ST6GALNAC5: variants seen among roughly 807,000 people sequenced by gnomAD.
The protein encoded by ST6GALNAC5 is alpha-N-acetylgalactosaminide alpha-2,6-sialyltransferase 5.
A neutral mutation model predicts 33.6 loss-of-function variants in ST6GALNAC5; 27 were observed. The ratio of observed to expected loss-of-function variants is 0.80; its 90% CI spans 0.59 to 1.11. ST6GALNAC5 has a LOEUF of 1.11. Ranked by LOEUF, ST6GALNAC5 falls within the 50% of genes least tolerant of loss-of-function variation. The pLI is 0.00. For missense variants in ST6GALNAC5, 428 were observed against 454.0 expected, an observed-to-expected ratio of 0.94 and a Z score of 0.52; for synonymous variants, 194 against 171.2, an observed-to-expected ratio of 1.13 and a Z score of -1.04.
At chr1:77,040,434 G>A (rs149290946) in intron 2 of ST6GALNAC5, among the ~76,000 whole-genome samples, 55 of 152,342 alleles carry the variant, frequency 3.6e-4, no homozygotes, top group African/African-American at 1.3e-3. Context: ...CAGAAATCAA[G>A]AGGGTGGCTT....
At chr1:77,046,954 T>G (rs1342686920) in intron 3 of ST6GALNAC5, among the ~76,000 whole-genome samples, 2 of 152,196 alleles carry the variant, frequency 1.3e-5, no homozygotes, top group East Asian at 3.8e-4. Context: ...TTAGGAACCC[T>G]TCTCACAGCA....
intron 2 of ST6GALNAC5, among the ~76,000 whole-genome samples, chr1:76,891,357 A>T (rs1411751198): frequency 2.0e-5 from 3 of 152,130 alleles, no homozygotes; most frequent in African/African-American, 7.2e-5. Flanking sequence ...ATGATGTTAA[A>T]CATGTTTTTA....
At chr1:76,926,571 C>T (rs959276632) in intron 2 of ST6GALNAC5, among the ~76,000 whole-genome samples, 8 of 152,126 alleles carry the variant, frequency 5.3e-5, no homozygotes, top group Admixed American at 3.3e-4. Flanking sequence ...CTAGAATGTA[C>T]GCAGCTAATC....
At chr1:76,928,678 C>G (rs1176675931) in intron 2 of ST6GALNAC5, among the ~76,000 whole-genome samples, 1 of 152,114 alleles carries the variant, frequency 6.6e-6, no homozygotes, top group South Asian at 2.1e-4. Context: ...CATGTCTACT[C>G]CTGCCTAGCC....
intron 2 of ST6GALNAC5, among the ~76,000 whole-genome samples, chr1:76,902,381 G>A (rs1646825570): frequency 2.0e-5 from 3 of 152,070 alleles, no homozygotes; most frequent in Non-Finnish European, 4.4e-5. Flanking sequence ...ATCTACATAA[G>A]TAGAAAAACA....
At chr1:77,036,976 G>T (rs896866966) in intron 2 of ST6GALNAC5, among the ~76,000 whole-genome samples, 1 of 152,140 alleles carries the variant, frequency 6.6e-6, no homozygotes, top group African/African-American at 2.4e-5. Context: ...CTGGGGAGGC[G>T]GTCTGAGGTA....
chr1:77,011,235 G>A (rs1650624473), intron 2 of ST6GALNAC5, among the ~76,000 whole-genome samples: 1 of 152,184 alleles, frequency 6.6e-6, no homozygotes, highest in Admixed American at 6.5e-5. Flanking sequence ...GCCTCCCCAA[G>A]CAGCATTCAG....
At chr1:77,049,009 A>G (rs763843758) in intron 3 of ST6GALNAC5, among the ~76,000 whole-genome samples, 6 of 152,172 alleles carry the variant, frequency 3.9e-5, no homozygotes, top group Non-Finnish European at 8.8e-5. Flanking sequence ...TCAAAATACA[A>G]TGGAATAGGG....
At chr1:77,042,958 CCA>C (rs919717382) in intron 2 of ST6GALNAC5, among the ~76,000 whole-genome samples, 9 of 152,126 alleles carry the variant, frequency 5.9e-5, no homozygotes, top group African/African-American at 2.2e-4. Flanking sequence ...CTTTGAGGCA[CCA>C]CAAGGCAAGG....
At chr1:76,992,056 G>A (rs867557470) in intron 2 of ST6GALNAC5, among the ~76,000 whole-genome samples, 34 of 151,832 alleles carry the variant, frequency 2.2e-4, no homozygotes, top group African/African-American at 7.0e-4. Context: ...CTCTACGTAG[G>A]GGTCAGCTTC....
At position 76,868,693 on chromosome 1, in the gene ST6GALNAC5, C is replaced by A; in HGVS notation, c.212C>A (p.Pro71His). The change falls in exon 2 of 5, where the codon CCC becomes CAC. Residue 71 changes from proline to histidine, a missense_variant. Transcript: ENST00000477717. This position sits in a 1 kb window ranked among gnomAD's most constrained non-coding sequence, Gnocchi z 4.3. ...AGCACCCAGCAGCGCCCCGGGGTCC[C>A]CGCGGGACCGCGGCCACTGGACGGA... ...ESSTQQRPGV[P>H]AGPRPLDGYL... is the part of the protein sequence containing the mutation. 1 of 1,539,000 alleles carries A rather than the reference C, an allele frequency of 6.5e-7. No individual in the cohort carries two copies. Among genetic ancestry groups the A allele is most frequent in the Non-Finnish European group, 8.7e-7 (1 of 1,143,272 alleles).
intron 2 of ST6GALNAC5, among the ~76,000 whole-genome samples, chr1:76,983,395 C>A (rs1649340253): frequency 6.6e-6 from 1 of 152,058 alleles, no homozygotes; most frequent in Non-Finnish European, 1.5e-5. Context: ...TTTAAACCAA[C>A]AAAGATCAAA....
At chr1:76,884,160 G>T (rs1267203695) in intron 2 of ST6GALNAC5, among the ~76,000 whole-genome samples, 2 of 152,140 alleles carry the variant, frequency 1.3e-5, no homozygotes, top group Non-Finnish European at 2.9e-5. Flanking sequence ...TCAGGTTTCT[G>T]CCTGCCTTAA....
At chr1:76,935,559 T>A (rs1647193167) in intron 2 of ST6GALNAC5, among the ~76,000 whole-genome samples, 1 of 152,032 alleles carries the variant, frequency 6.6e-6, no homozygotes, top group Admixed American at 6.6e-5. Flanking sequence ...CTAGAAATAA[T>A]GTGATTAATT....
intron 2 of ST6GALNAC5, among the ~76,000 whole-genome samples, chr1:76,993,373 T>C (rs1649810249): frequency 2.0e-5 from 3 of 152,184 alleles, no homozygotes; most frequent in African/African-American, 2.4e-5. Context: ...ACTCAATCAA[T>C]AGATGCTAAA....
At chr1:76,997,413 A>T (rs905115189) in intron 2 of ST6GALNAC5, among the ~76,000 whole-genome samples, 1 of 152,202 alleles carries the variant, frequency 6.6e-6, no homozygotes, top group African/African-American at 2.4e-5. Context: ...ACAATGAATG[A>T]GCCTAGTTTT....
Position 76,867,555 on chromosome 1 carries a change from G to T in ST6GALNAC5, c.-121G>T, listed in dbSNP as rs1653367780. ...GCGGCTCCCGCGCGCGATCTGCCGC[G>T]GCCGGCTGCTGGGCAAAAATCAGAG... On this transcript the variant is annotated 5_prime_UTR_variant, in exon 1 of 5. Coordinates refer to ENST00000477717, the MANE Select transcript of ST6GALNAC5 (RefSeq NM_030965.3). 1.3e-6 allele frequency: 2 copies of T among 1,537,474 alleles called. No individual in the cohort carries two copies. The highest frequency in any genetic ancestry group is 1.4e-5 in the African/African-American group (1 of 73,282).
intron 2 of ST6GALNAC5, among the ~76,000 whole-genome samples, chr1:77,005,816 G>A (rs977644970): frequency 1.3e-5 from 2 of 152,056 alleles, no homozygotes; most frequent in Non-Finnish European, 2.9e-5. Flanking sequence ...TGTCCTTTTC[G>A]ATCTGGATTG....
At chr1:76,886,292 A>G (rs960296927) in intron 2 of ST6GALNAC5, among the ~76,000 whole-genome samples, 3 of 151,768 alleles carry the variant, frequency 2.0e-5, no homozygotes, top group East Asian at 1.9e-4. Context: ...TTCTATGACT[A>G]TTTTCTTAGT....
Sources: allele counts gnomAD v4.1 joint callset (sites outside exome capture counted in the v4.1 genomes callset), GRCh38; gene constraint gnomAD v4.1.1; non-coding constraint Gnocchi (gnomAD v3.1); transcripts MANE v1.5; gene names NCBI Gene and HGNC (gene_info 2026-07-23, HGNC 2026-07-21).